ZSCAN25: variants seen among roughly 807,000 people sequenced by gnomAD.
ZSCAN25 encodes the protein zinc finger and SCAN domain containing 25.
Under a neutral mutation model 38.7 loss-of-function variants are expected in ZSCAN25, and 27 were observed. That is an observed-to-expected ratio of 0.70 (90% confidence interval 0.51 to 0.96). The LOEUF (loss-of-function observed/expected upper bound fraction) is 0.96, where lower values mean the gene tolerates loss of function less well. Ranked by LOEUF, ZSCAN25 falls within the 40% of genes least tolerant of loss-of-function variation. The pLI is 0.00. For synonymous variants in ZSCAN25, 273 were observed against 277.7 expected (o/e 0.98, Z 0.17); for missense variants, 637 against 705.9 (o/e 0.90, Z 1.11).
chr7:99,619,250 G>A (rs1806718620), intron 3 of ZSCAN25, 118 bp downstream of exon 3: 3 of 197,544 alleles, frequency 1.5e-5, no homozygotes, highest in African/African-American at 2.3e-5. Context: ...TGGAAGAGTA[G>A]GCCCTGGTGA....
At chr7:99,676,487 G>T in the ZSCAN25 span, 1 of 1,400,178 alleles carries the variant, frequency 7.1e-7, no homozygotes, top group South Asian at 1.1e-5. Context: ...AAATGCTCCT[G>T]AGAGGTTCAG....
At chr7:99,652,672 C>T in the ZSCAN25 span, 1 of 1,614,126 alleles carries the variant, frequency 6.2e-7, no homozygotes, top group Admixed American at 1.7e-5. Flanking sequence ...CAACATCTTT[C>T]TTGCAAGTCC....
chr7:99,695,612 G>T, the ZSCAN25 span: 1 of 745,996 alleles, frequency 1.3e-6, no homozygotes, highest in Non-Finnish European at 2.2e-6. Flanking sequence ...GCCATGCTCT[G>T]GATGATGCCT....
intron 3 of ZSCAN25, 140 bp downstream of exon 3, chr7:99,619,272 A>C (rs530057778): frequency 1.1e-4 from 25 of 228,810 alleles, no homozygotes; most frequent in African/African-American, 5.2e-4. Flanking sequence ...TCACCCAGTT[A>C]TAACCCATTA....
chr7:99,720,113 C>T, the ZSCAN25 span, among the ~76,000 whole-genome samples: 1 of 152,166 alleles, frequency 6.6e-6, no homozygotes, highest in South Asian at 2.1e-4. Context: ...ATGTTAATTT[C>T]CTGTACTGCA....
intron 7 of ZSCAN25, among the ~76,000 whole-genome samples, chr7:99,625,088 G>A (rs568419709): frequency 1.3e-5 from 2 of 152,136 alleles, no homozygotes; most frequent in African/African-American, 4.8e-5. Flanking sequence ...CCTTCAGGAC[G>A]TAAGAGAATC....
At chr7:99,623,483 G>A (rs908014188) in intron 6 of ZSCAN25, among the ~76,000 whole-genome samples, 1 of 152,212 alleles carries the variant, frequency 6.6e-6, no homozygotes, top group African/African-American at 2.4e-5. Context: ...TCAAGGAGGC[G>A]AGTCTAAAAG....
At chr7:99,729,621 C>T in the ZSCAN25 span, among the ~76,000 whole-genome samples, 19 of 152,290 alleles carry the variant, frequency 1.2e-4, no homozygotes, top group East Asian at 3.9e-4. Flanking sequence ...AGCAATCTTA[C>T]GACATTCCAT....
At chr7:99,724,319 G>A in the ZSCAN25 span, among the ~76,000 whole-genome samples, 2 of 152,164 alleles carry the variant, frequency 1.3e-5, no homozygotes, top group Non-Finnish European at 2.9e-5. Context: ...GCCAGAAAAT[G>A]ACACTTTTGA....
chr7:99,621,503 G>T lies in ZSCAN25; in HGVS notation c.518G>T (p.Gly173Val). ...ATGCCCCCTGGGGAAGGAGTTCAAG[G>T]TCCAGACCCAGGTACCGAGGAGCAG... is the stretch of plus-strand genomic sequence containing the variant. ...WGMPPGEGVQ[G>V]PDPGTEEQLS... Residue 173 changes from glycine to valine, a missense_variant, in exon 5 of 8, where the codon GGT (glycine) becomes GTT (valine). By Grantham distance (109) the Gly-to-Val change is moderately radical. Coordinates refer to ENST00000394152, the MANE Select transcript of ZSCAN25 (RefSeq NM_145115.3). The T allele has an allele frequency of 6.3e-7, 1 of 1,576,504 alleles. No individual in the cohort carries two copies. Among genetic ancestry groups the T allele is most frequent in the Non-Finnish European group, 8.6e-7 (1 of 1,156,536 alleles).
At chr7:99,644,189 C>T in the ZSCAN25 span, among the ~76,000 whole-genome samples, 1 of 152,090 alleles carries the variant, frequency 6.6e-6, no homozygotes, top group Non-Finnish European at 1.5e-5. Context: ...ACACCAGGTG[C>T]TGTGATAGAT....
the ZSCAN25 span, among the ~76,000 whole-genome samples, chr7:99,708,789 T>C: frequency 2.0e-5 from 3 of 152,348 alleles, no homozygotes; most frequent in African/African-American, 4.8e-5. Flanking sequence ...TGGACACTTA[T>C]GACCCATAAG....
rs148412745 is a variant in ZSCAN25 at position 99,627,743 on chromosome 7, C to T, written c.806-1448C>T. Among the ~76,000 whole-genome samples the T allele has an allele frequency of 6.1e-3, 875 of 143,686 alleles. 6 individuals carry two copies. Among genetic ancestry groups the T allele is most frequent in the Admixed American group, 9.3e-3 (130 of 13,964 alleles). 94.3% of individuals were successfully genotyped at this position (143,686 alleles called of 152,430 possible). On this transcript the variant is annotated intron_variant, in intron 7 of 7. Coordinates refer to ENST00000394152, the MANE Select transcript of ZSCAN25 (RefSeq NM_145115.3). ...ACGTATATCTCGTATATGCTGTATA[C>T]GTATATCGTATATGCTGTATACGTA...
chr7:99,722,739 G>A, the ZSCAN25 span, among the ~76,000 whole-genome samples: 2 of 152,290 alleles, frequency 1.3e-5, no homozygotes, highest in African/African-American at 2.4e-5. Context: ...AGAAGGGAAC[G>A]TGCAGTCTTT....
chr7:99,719,192 A>C, the ZSCAN25 span, among the ~76,000 whole-genome samples: 1 of 152,222 alleles, frequency 6.6e-6, no homozygotes, highest in Non-Finnish European at 1.5e-5. Context: ...GGAAGAGCTA[A>C]AACAAATCTA....
chr7:99,712,554 G>T, the ZSCAN25 span, among the ~76,000 whole-genome samples: 1 of 152,148 alleles, frequency 6.6e-6, no homozygotes, highest in Non-Finnish European at 1.5e-5. Context: ...TAAAACAGTA[G>T]GCTATTTCCT....
the ZSCAN25 span, chr7:99,722,437 T>A: frequency 6.6e-7 from 1 of 1,520,432 alleles, no homozygotes; most frequent in South Asian, 1.2e-5. Flanking sequence ...TCAAATCCAA[T>A]GAAATTAGAC....
chr7:99,726,185 C>T, the ZSCAN25 span, among the ~76,000 whole-genome samples: 3 of 152,154 alleles, frequency 2.0e-5, no homozygotes, highest in African/African-American at 7.2e-5. Flanking sequence ...TCTACTCCCT[C>T]CCTGGCAACT....
At chr7:99,679,434 G>GC in the ZSCAN25 span, among the ~76,000 whole-genome samples, 1 of 152,242 alleles carries the variant, frequency 6.6e-6, no homozygotes, top group South Asian at 2.1e-4. Flanking sequence ...AAAAATGCAA[G>GC]CCACTCCTTC....
Sources: gnomAD v4.1 joint callset for allele counts (sites outside exome capture counted in the v4.1 genomes callset) on GRCh38, gnomAD v4.1.1 for gene constraint, MANE v1.5 for transcripts, NCBI Gene and HGNC (gene_info 2026-07-23, HGNC 2026-07-21) for gene names.